The following ABCB1 variants were observed in gnomAD, a reference collection of about 807,000 sequenced individuals.
ABCB1 encodes ATP binding cassette subfamily B member 1.
ABCB1 carries 69 observed loss-of-function variants against 142.0 expected under a neutral mutation model. The observed-to-expected ratio is 0.49, with a 90% CI of 0.40 to 0.59. ABCB1 has a LOEUF of 0.59. Among genes scored for constraint, ABCB1 ranks in the 20% least tolerant of loss-of-function variants. The probability of loss-of-function intolerance (pLI) is 0.00; values close to 1 mark genes in which losing one functional copy is unlikely to be tolerated. For missense variants in ABCB1, 1,326 were observed against 1,554.7 expected, an observed-to-expected ratio of 0.85 and a Z score of 2.47; for synonymous variants, 532 against 539.2, an observed-to-expected ratio of 0.99 and a Z score of 0.18.
At chr7:87,642,602 A>T (rs1822563045) in intron 1 of ABCB1, among the ~76,000 whole-genome samples, 1 of 151,836 alleles carries the variant, frequency 6.6e-6, no homozygotes, top group South Asian at 2.1e-4. Context: ...TCTTTTTGGA[A>T]AGTTTTGCCT....
intron 21 of ABCB1, among the ~76,000 whole-genome samples, chr7:87,525,498 T>C (rs1415116196): frequency 6.6e-6 from 1 of 152,162 alleles, no homozygotes; most frequent in Non-Finnish European, 1.5e-5. Flanking sequence ...CCAGAAGTCT[T>C]ACCAATAACA....
rs566914006 is a variant in ABCB1 at position 87,574,244 on chromosome 7, AGAGGAGGAC to A, written c.287-4030_287-4022del. Among the ~76,000 whole-genome samples, 394 of 152,262 alleles carry A rather than the reference AGAGGAGGAC, an allele frequency of 2.6e-3. 1 individual carries two copies. The highest frequency in any genetic ancestry group is 9.0e-3 in the African/African-American group (375 of 41,558). On this transcript the variant is annotated intron_variant, in intron 4 of 27. Coordinates refer to ENST00000622132, the MANE Select transcript of ABCB1 (RefSeq NM_001348946.2). The stretch of plus-strand genomic sequence containing the variant: ...ACAGAATGACATCAAAGCTTCTAAG[AGAGGAGGAC>A]GAGAGAGCTTGACGGAATGCCTATG...
At chr7:87,519,785 A>C (rs1815411974) in intron 22 of ABCB1, among the ~76,000 whole-genome samples, 1 of 152,070 alleles carries the variant, frequency 6.6e-6, no homozygotes, top group South Asian at 2.1e-4. Flanking sequence ...CTTTCTCCCC[A>C]CTTTTGGACA....
rs1273859083 is a variant in ABCB1, at chr7:87,570,217, A to C, written c.293T>G (p.Ile98Ser). The C allele has an allele frequency of 1.9e-6, 3 of 1,612,854 alleles. No individual in the cohort carries two copies. The highest frequency in any genetic ancestry group is 2.5e-6 in the Non-Finnish European group (3 of 1,179,344). The change falls in exon 5 of 28, where the codon ATC becomes AGC. Residue 98 changes from isoleucine (I) to serine (S), a missense_variant. Transcript: ENST00000622132. ...LMSNITNRSD[I>S]NDTGFFMNLE... The stretch of plus-strand genomic sequence containing the variant: ...ATTCATGAAGAACCCTGTATCATTG[A>C]TATCACCTAGACCACCACAAAACAA...
intron 23 of ABCB1, chr7:87,519,041 T>C: frequency 2.1e-6 from 1 of 475,816 alleles, no homozygotes; most frequent in South Asian, 2.4e-5. Context: ...TCTTCCCAAA[T>C]GCCAAGGCCT....
At chr7:87,651,839 A>G (rs1417754973) in intron 1 of ABCB1, among the ~76,000 whole-genome samples, 1 of 152,134 alleles carries the variant, frequency 6.6e-6, no homozygotes, top group East Asian at 1.9e-4. Flanking sequence ...TTGAAACTAC[A>G]TGGGAGAAAA....
chr7:87,536,571 T>G (rs753227400), intron 19 of ABCB1, 30 bp from the exon 20 acceptor site: 6 of 1,607,486 alleles, frequency 3.7e-6, no homozygotes, highest in Non-Finnish European at 5.1e-6. Flanking sequence ...TTTATTACCT[T>G]AAAGCTGTTT....
intron 7 of ABCB1, among the ~76,000 whole-genome samples, chr7:87,563,835 T>TA (rs201585360): frequency 4.6e-5 from 7 of 151,628 alleles, no homozygotes; most frequent in African/African-American, 7.3e-5. Context: ...TATGCAGCCA[T>TA]AAAAAAAATG....
chr7:87,631,016 T>C (rs952585352), intron 1 of ABCB1, among the ~76,000 whole-genome samples: 2 of 152,244 alleles, frequency 1.3e-5, no homozygotes, highest in Non-Finnish European at 2.9e-5. Context: ...GTGAAATGAA[T>C]ATGTGCTAAC....
intron 7 of ABCB1, chr7:87,565,323 G>A (rs1415481717): frequency 7.2e-6 from 2 of 276,912 alleles, no homozygotes; most frequent in South Asian, 3.4e-5. Flanking sequence ...TACATACTGG[G>A]CCAATTTCTC....
chr7:87,651,453 A>G (rs966422295), intron 1 of ABCB1, among the ~76,000 whole-genome samples: 1 of 152,106 alleles, frequency 6.6e-6, no homozygotes, highest in Admixed American at 6.6e-5. Flanking sequence ...TGGAAGCTAT[A>G]CTCTCTGAAT....
At chr7:87,584,954 C>A (rs558546778) in intron 4 of ABCB1, among the ~76,000 whole-genome samples, 2 of 151,500 alleles carry the variant, frequency 1.3e-5, no homozygotes, top group African/African-American at 2.4e-5. Flanking sequence ...CTAAAATACC[C>A]CCCCACACAC....
At chr7:87,556,243 GC>G (rs1180726279) in intron 8 of ABCB1, among the ~76,000 whole-genome samples, 4 of 152,082 alleles carry the variant, frequency 2.6e-5, no homozygotes, top group African/African-American at 7.2e-5. Flanking sequence ...TATCAATAAT[GC>G]AAGTAACTAC....
intron 3 of ABCB1, among the ~76,000 whole-genome samples, chr7:87,587,538 A>G (rs1319495084): frequency 2.0e-5 from 3 of 152,210 alleles, no homozygotes; most frequent in Non-Finnish European, 2.9e-5. Flanking sequence ...AAAAGGCTTC[A>G]TATGATAAAA....
intron 26 of ABCB1, among the ~76,000 whole-genome samples, chr7:87,506,878 T>C (rs966233801): frequency 2.3e-4 from 35 of 152,228 alleles, no homozygotes; most frequent in African/African-American, 7.5e-4. Context: ...CCCCTGTAAA[T>C]AGAGGGAGAA....
chr7:87,583,959 T>G (rs1818624877), intron 4 of ABCB1, among the ~76,000 whole-genome samples: 1 of 152,110 alleles, frequency 6.6e-6, no homozygotes, highest in Non-Finnish European at 1.5e-5. Flanking sequence ...TTGGCCAATA[T>G]AGCAAGTATA....
intron 1 of ABCB1, among the ~76,000 whole-genome samples, chr7:87,623,191 ATACT>A (rs746423161): frequency 4.9e-4 from 74 of 152,318 alleles, no homozygotes; most frequent in Middle Eastern, 6.8e-3. Flanking sequence ...GAATATAATA[ATACT>A]TACTTTAGAG....
chr7:87,511,158 A>C (rs1814990575), intron 25 of ABCB1, among the ~76,000 whole-genome samples: 1 of 152,184 alleles, frequency 6.6e-6, no homozygotes, highest in Non-Finnish European at 1.5e-5. Context: ...AACTATTTAA[A>C]ACCTGTGTTG....
chr7:87,623,961 C>G lies in ABCB1; in HGVS notation c.-330-22883G>C, dbSNP rs75855454. ...TTGTGTGATACTCACTTCCCACTGA[C>G]TTTTTACTCACTGGAATTTGGCTTT... is the stretch of plus-strand genomic sequence containing the variant. On this transcript the variant is annotated intron_variant, in intron 1 of 28. Coordinates refer to the ABCB1 transcript ENST00000265724. 6.1e-3 allele frequency among the ~76,000 whole-genome samples: 933 copies of G among 152,286 alleles called. 9 individuals are homozygous for G. Among genetic ancestry groups the G allele is most frequent in the Non-Finnish European group, 0.01 (693 of 68,012 alleles).
Sources: allele counts gnomAD v4.1 joint callset (sites outside exome capture counted in the v4.1 genomes callset), GRCh38; gene constraint gnomAD v4.1.1; transcripts MANE v1.5; gene names NCBI Gene and HGNC (gene_info 2026-07-23, HGNC 2026-07-21).